The following MGA variants were observed in gnomAD, a reference collection of about 807,000 sequenced individuals.
MGA encodes MAX dimerization protein MGA.
Under a neutral mutation model 261.1 loss-of-function variants are expected in MGA, and 40 were observed. That is an observed-to-expected ratio of 0.15 (90% CI 0.12 to 0.20). The LOEUF is 0.20. Among genes scored for constraint, MGA ranks in the 10% least tolerant of loss-of-function variants. The pLI, the probability that MGA is intolerant of heterozygous loss-of-function variation, is 1.00. For synonymous variants in MGA, 1,302 were observed against 1,290.6 expected (o/e 1.01, Z -0.19); for missense variants, 3,397 against 3,630.5 (o/e 0.94, Z 1.65).
intron 22 of MGA, 98 bp downstream of exon 22, chr15:41,762,460 G>GTTTTTTTTTTTTTTTTT (rs1491528643): frequency 3.7e-5 from 7 of 190,526 alleles, no homozygotes; most frequent in Admixed American, 2.0e-4. Context: ...AGTTTTGTGT[G>GTTTTTTTTTTTTTTTTT]GTTTTTTTTT....
At position 41,652,997 on chromosome 15, in the gene MGA, A is replaced by T. The variant is rs551367436; in HGVS notation, c.-67-15831A>T. Among the ~76,000 whole-genome samples the T allele has an allele frequency of 2.0e-5, 3 of 152,328 alleles. No individual in the cohort carries two copies. In the South Asian group the frequency reaches 6.2e-4, roughly 32 times the overall value. Reference sequence around the variant, plus strand: ...TCGCTACAATTTATAATCTATATACATATAATTTGCACCGCATTCAAGTTG... The same window carrying T: ...TCGCTACAATTTATAATCTATATACTTATAATTTGCACCGCATTCAAGTTG... On this transcript the variant is annotated intron_variant, in intron 1 of 8. Transcript: ENST00000566718.
At chr15:41,723,371 C>G (rs1360839049) in intron 9 of MGA, among the ~76,000 whole-genome samples, 1 of 152,144 alleles carries the variant, frequency 6.6e-6, no homozygotes. Flanking sequence ...CTACTAGTCT[C>G]TGCCAATGAT....
rs2151970320 is a variant in MGA, at chr15:41,757,728, G to A, written c.7140-60G>A. ...TTTGGAATGGTTTGGTTGTAGCTGT[G>A]AAATAGGTCTTAGATTATTAAATTT... On this transcript the variant is annotated intron_variant, in intron 18 of 23. Coordinates refer to ENST00000219905, the MANE Select transcript of MGA (RefSeq NM_001164273.2). 4 of 1,400,534 alleles carry A rather than the reference G, an allele frequency of 2.9e-6. No homozygotes were observed. The South Asian group carries it at 4.9e-5, about 17-fold the overall frequency. 86.8% of individuals were successfully genotyped at this position (1,400,534 alleles called of 1,614,324 possible). A position where few individuals can be genotyped will look rare whatever the true frequency, so the allele number is the denominator to read the frequency against.
At chr15:41,765,692 TA>T (rs1394268267) in intron 23 of MGA, among the ~76,000 whole-genome samples, 1 of 152,232 alleles carries the variant, frequency 6.6e-6, no homozygotes, top group Non-Finnish European at 1.5e-5. Flanking sequence ...AGCAGTTAAT[TA>T]GGTGAACAGA....
intron 2 of MGA, among the ~76,000 whole-genome samples, chr15:41,693,125 C>G (rs931555790): frequency 1.3e-5 from 2 of 152,154 alleles, no homozygotes; most frequent in African/African-American, 4.8e-5. Context: ...CAGGCACGAG[C>G]CACCACACCC....
intron 2 of MGA, among the ~76,000 whole-genome samples, chr15:41,681,717 T>TG (rs2058689570): frequency 6.6e-6 from 1 of 152,228 alleles, no homozygotes; most frequent in Non-Finnish European, 1.5e-5. Context: ...CCCAAAGTGC[T>TG]GGGATTACAG....
intron 9 of MGA, chr15:41,718,477 C>G (rs2060772920): frequency 4.2e-6 from 3 of 722,602 alleles, no homozygotes; most frequent in Middle Eastern, 3.9e-4. Context: ...ATTTGTGAGT[C>G]CACAGCTTTC....
Position 41,767,389 on chromosome 15 carries a change from A to G in MGA, c.*109A>G, listed in dbSNP as rs2063853838. On this transcript the variant is annotated 3_prime_UTR_variant, in exon 24 of 24. Transcript: ENST00000219905. The stretch of plus-strand genomic sequence containing the variant: ...TCTTAGAACTTGGATCCTTGACTTC[A>G]ATGATGCAGTGGATAATGATGGGAG... 8.6e-7 allele frequency: 1 copy of G among 1,160,218 alleles called. No homozygotes were observed. The highest frequency in any genetic ancestry group is 1.2e-6 in the Non-Finnish European group (1 of 820,318). 71.9% of individuals were successfully genotyped at this position (1,160,218 alleles called of 1,614,324 possible). A position where few individuals can be genotyped will look rare whatever the true frequency, so the allele number is the denominator to read the frequency against.
Position 41,762,273 on chromosome 15 carries a change from C to A in MGA, c.7655C>A (p.Ser2552Tyr), listed in dbSNP as rs769432234. The A allele has an allele frequency of 1.9e-6, 3 of 1,613,862 alleles. No homozygotes were observed. Among genetic ancestry groups the A allele is most frequent in the Non-Finnish European group, 2.5e-6 (3 of 1,179,858 alleles). ...ATTAGCAAACAGCAGGAAGGATCTT[C>A]TGCATCATCTGTAGATCTTGGACAG... The change falls in exon 22 of 24, where the codon TCT becomes TAT. Residue 2552 changes from serine to tyrosine, a missense_variant. Coordinates refer to ENST00000219905, the MANE Select transcript of MGA (RefSeq NM_001164273.2).
intron 5 of MGA, among the ~76,000 whole-genome samples, chr15:41,702,544 T>C (rs1191092468): frequency 6.6e-6 from 1 of 152,216 alleles, no homozygotes; most frequent in African/African-American, 2.4e-5. Context: ...AATTAGAAAA[T>C]AGCAGTTAAA....
At chr15:41,716,401 C>T (rs913388571) in intron 9 of MGA, among the ~76,000 whole-genome samples, 1 of 151,868 alleles carries the variant, frequency 6.6e-6, no homozygotes, top group Non-Finnish European at 1.5e-5. Flanking sequence ...TTGCAGTGAG[C>T]CGAGATTGTG....
chr15:41,623,113 GAT>G (rs10549621), intron 1 of MGA, among the ~76,000 whole-genome samples: 2,468 of 152,334 alleles, frequency 0.016, 29 homozygotes, highest in Non-Finnish European at 0.025. Flanking sequence ...GCAACAGAGA[GAT>G]ATGGCTGGCA....
At chr15:41,694,272 C>G (rs553677210) in intron 2 of MGA, among the ~76,000 whole-genome samples, 1 of 151,786 alleles carries the variant, frequency 6.6e-6, no homozygotes, top group Non-Finnish European at 1.5e-5. Context: ...AAAAATTAGC[C>G]GGGCGTGTTG....
At chr15:41,677,342 A>G (rs960979466) in intron 2 of MGA, among the ~76,000 whole-genome samples, 1 of 152,152 alleles carries the variant, frequency 6.6e-6, no homozygotes, top group Non-Finnish European at 1.5e-5. Context: ...GGGTTTCGCC[A>G]TGTTGGCCAG....
chr15:41,753,360 T>C (rs1038421000), intron 17 of MGA, among the ~76,000 whole-genome samples: 1 of 151,186 alleles, frequency 6.6e-6, no homozygotes, highest in Non-Finnish European at 1.5e-5. Context: ...TTTACTATGT[T>C]TCTGGCATAG....
At chr15:41,661,898 C>T (rs1040622620) in intron 1 of MGA, among the ~76,000 whole-genome samples, 1 of 152,106 alleles carries the variant, frequency 6.6e-6, no homozygotes, top group East Asian at 1.9e-4. Context: ...GCAGAGCGAT[C>T]ATCGGGTTCC....
chr15:41,695,113 G>A (rs1451922908), intron 2 of MGA, among the ~76,000 whole-genome samples: 3 of 152,126 alleles, frequency 2.0e-5, no homozygotes, highest in South Asian at 2.1e-4. Context: ...ATTTTGAGGT[G>A]GGGGGAAATG....
At chr15:41,700,552 A>G (rs1269428589) in intron 5 of MGA, among the ~76,000 whole-genome samples, 1 of 152,082 alleles carries the variant, frequency 6.6e-6, no homozygotes, top group Non-Finnish European at 1.5e-5. Flanking sequence ...AGCTTCATCC[A>G]TGTCCCTGCA....
chr15:41,651,427 C>T (rs1029326006), intron 1 of MGA, among the ~76,000 whole-genome samples: 3 of 152,290 alleles, frequency 2.0e-5, no homozygotes, highest in Non-Finnish European at 4.4e-5. Flanking sequence ...CCACTGATTG[C>T]AATGTCTTCC....
Sources: gnomAD v4.1 joint callset for allele counts (sites outside exome capture counted in the v4.1 genomes callset) on GRCh38, gnomAD v4.1.1 for gene constraint, MANE v1.5 for transcripts, NCBI Gene and HGNC (gene_info 2026-07-23, HGNC 2026-07-21) for gene names.